Variants in EYS observed in about 807,000 individuals in gnomAD.
The protein encoded by EYS is EGF-like photoreceptor maintenance factor, also known as protein eyes shut homolog.
In EYS, 250 loss-of-function variants were observed where a neutral mutation model predicts 282.1. That is an observed-to-expected ratio of 0.89 (90% CI 0.80 to 0.98). The LOEUF is 0.98. Among genes scored for constraint, EYS ranks in the 50% least tolerant of loss-of-function variants. EYS has a pLI of 0.00. For missense variants in EYS, 4,016 were observed against 3,709.0 expected, an observed-to-expected ratio of 1.08 and a Z score of -2.15; for synonymous variants, 1,355 against 1,282.9, an observed-to-expected ratio of 1.06 and a Z score of -1.20.
At chr6:64,812,735 G>A (rs1475123120) in intron 22 of EYS, among the ~76,000 whole-genome samples, 1 of 151,638 alleles carries the variant, frequency 6.6e-6, no homozygotes, top group Admixed American at 6.6e-5. Flanking sequence ...ACTGAAAGGA[G>A]GTCAAGTATG....
At chr6:65,371,039 C>T (rs1443957225) in intron 8 of EYS, among the ~76,000 whole-genome samples, 2 of 151,734 alleles carry the variant, frequency 1.3e-5, no homozygotes, top group African/African-American at 4.8e-5. Context: ...CACATATGGG[C>T]TGGATGAGAG....
At chr6:64,246,390 C>A (rs1228300742) in intron 30 of EYS, among the ~76,000 whole-genome samples, 1 of 152,060 alleles carries the variant, frequency 6.6e-6, no homozygotes, top group African/African-American at 2.4e-5. Context: ...GTAAATTTCT[C>A]AGAATGCATA....
intron 19 of EYS, among the ~76,000 whole-genome samples, chr6:64,857,060 C>T (rs1005815600): frequency 2.6e-5 from 4 of 152,076 alleles, no homozygotes; most frequent in Non-Finnish European, 4.4e-5. Flanking sequence ...GTTGCCTTTG[C>T]TCTTTGTAAA....
At chr6:64,895,673 A>C (rs1208478766) in intron 18 of EYS, among the ~76,000 whole-genome samples, 3 of 152,198 alleles carry the variant, frequency 2.0e-5, no homozygotes, top group Non-Finnish European at 2.9e-5. Context: ...TCTGCAACCA[A>C]GAAGGCACTA....
At chr6:65,641,606 T>C (rs944845779) in intron 1 of EYS, among the ~76,000 whole-genome samples, 1 of 152,216 alleles carries the variant, frequency 6.6e-6, no homozygotes, top group Non-Finnish European at 1.5e-5. Context: ...TTACTTACAG[T>C]GGTAGTGCTC....
intron 29 of EYS, among the ~76,000 whole-genome samples, chr6:64,327,749 C>A (rs1770483407): frequency 6.6e-6 from 1 of 152,090 alleles, no homozygotes; most frequent in Non-Finnish European, 1.5e-5. Context: ...CAGAAAAAAC[C>A]CGTCCTACAG....
chr6:65,239,700 G>T (rs1268339286), intron 12 of EYS, among the ~76,000 whole-genome samples: 1 of 151,892 alleles, frequency 6.6e-6, no homozygotes, highest in Non-Finnish European at 1.5e-5. Context: ...AAAGAAAATG[G>T]TTTTTGAAAT....
chr6:64,012,630 C>T (rs1473700677), intron 33 of EYS, among the ~76,000 whole-genome samples: 1 of 152,200 alleles, frequency 6.6e-6, no homozygotes, highest in Non-Finnish European at 1.5e-5. Context: ...CTTACCACTT[C>T]ACTTATCCAG....
chr6:64,843,345 A>T (rs1042406807), intron 19 of EYS, among the ~76,000 whole-genome samples: 1 of 152,158 alleles, frequency 6.6e-6, no homozygotes, highest in African/African-American at 2.4e-5. Flanking sequence ...CAGCTTGCAC[A>T]GTAGACCTGG....
intron 37 of EYS, among the ~76,000 whole-genome samples, chr6:63,805,400 G>A (rs1770879048): frequency 6.6e-6 from 1 of 152,120 alleles, no homozygotes; most frequent in African/African-American, 2.4e-5. Flanking sequence ...CTTTAATTTA[G>A]AATGGTTTTC....
At chr6:65,379,495 C>G (rs1765529643) in intron 8 of EYS, among the ~76,000 whole-genome samples, 1 of 152,002 alleles carries the variant, frequency 6.6e-6, no homozygotes, top group African/African-American at 2.4e-5. Flanking sequence ...TTATGACAAA[C>G]CCATAGCCAA....
At chr6:65,004,424 C>A (rs1351864239) in intron 13 of EYS, among the ~76,000 whole-genome samples, 1 of 147,572 alleles carries the variant, frequency 6.8e-6, no homozygotes, top group Admixed American at 6.8e-5. Flanking sequence ...CAATGGTCTG[C>A]TCTACAATAA....
chr6:64,354,270 G>T (rs920268360), intron 29 of EYS, among the ~76,000 whole-genome samples: 1 of 151,508 alleles, frequency 6.6e-6, no homozygotes, highest in African/African-American at 2.4e-5. Flanking sequence ...TTTGTTAACA[G>T]ATACCCTAAT....
intron 22 of EYS, among the ~76,000 whole-genome samples, chr6:64,660,567 A>G (rs1215711157): frequency 6.6e-6 from 1 of 152,192 alleles, no homozygotes; most frequent in Admixed American, 6.5e-5. Context: ...ATGTGCAAAA[A>G]TCACTAGCAT....
intron 18 of EYS, among the ~76,000 whole-genome samples, chr6:64,891,748 G>A (rs989983090): frequency 6.6e-6 from 1 of 151,976 alleles, no homozygotes; most frequent in African/African-American, 2.4e-5. Flanking sequence ...TTATATTAAA[G>A]GTCCCTAAAG....
intron 28 of EYS, among the ~76,000 whole-genome samples, chr6:64,406,762 T>TCATG (rs1424345720): frequency 6.6e-6 from 1 of 152,234 alleles, no homozygotes; most frequent in Non-Finnish European, 1.5e-5. Flanking sequence ...AGATACCATC[T>TCATG]CATGCCAGTT....
chr6:65,616,783 TA>T (rs34322899), intron 2 of EYS, among the ~76,000 whole-genome samples: 4 of 147,602 alleles, frequency 2.7e-5, no homozygotes, highest in Non-Finnish European at 4.5e-5. Flanking sequence ...ACACTCTGTC[TA>T]AAAAAACAAA....
chr6:63,972,071 AAG>A (rs1245708581), intron 35 of EYS, among the ~76,000 whole-genome samples: 1 of 152,206 alleles, frequency 6.6e-6, no homozygotes, highest in Non-Finnish European at 1.5e-5. Flanking sequence ...ATTTCTGAGA[AAG>A]AGAATGTTTT....
chr6:64,550,597 G>C (rs1200912710), intron 26 of EYS, among the ~76,000 whole-genome samples: 4 of 152,132 alleles, frequency 2.6e-5, no homozygotes, highest in African/African-American at 9.7e-5. Context: ...CATAATGTTG[G>C]AAGTTCTGGC....
Sources: gnomAD v4.1 joint callset for allele counts (sites outside exome capture counted in the v4.1 genomes callset) on GRCh38, gnomAD v4.1.1 for gene constraint, MANE v1.5 for transcripts, NCBI Gene and HGNC (gene_info 2026-07-23, HGNC 2026-07-21) for gene names.